Variants in BCHE observed in about 807,000 individuals in gnomAD.
BCHE encodes butyrylcholinesterase.
Under a neutral mutation model 51.3 loss-of-function variants are expected in BCHE, and 48 were observed. The ratio of observed to expected loss-of-function variants is 0.94; its 90% CI spans 0.74 to 1.19. BCHE has a LOEUF of 1.19. BCHE is among the 50% of genes most tolerant of loss of function. The probability of loss-of-function intolerance (pLI) is 0.00; values close to 1 mark genes in which losing one functional copy is unlikely to be tolerated. For missense variants in BCHE, 847 were observed against 708.2 expected, an observed-to-expected ratio of 1.20 and a Z score of -2.23; for synonymous variants, 251 against 238.0, an observed-to-expected ratio of 1.05 and a Z score of -0.50.
chr3:165,790,265 A>G (rs1309864619), intron 2 of BCHE, among the ~76,000 whole-genome samples: 1 of 152,178 alleles, frequency 6.6e-6, no homozygotes, highest in Non-Finnish European at 1.5e-5. Flanking sequence ...GCCTAAATAT[A>G]GTAATAAAAT....
intron 2 of BCHE, among the ~76,000 whole-genome samples, chr3:165,794,035 A>G (rs184416470): frequency 1.7e-3 from 262 of 151,930 alleles, no homozygotes; most frequent in African/African-American, 6.2e-3. Flanking sequence ...CGATGGAGCG[A>G]CACTCCATCT....
chr3:165,830,130 G>A lies in BCHE; in HGVS notation c.904C>T (p.Leu302=), dbSNP rs1714902474. The change falls in exon 2 of 4, where the codon CTG becomes TTG. Residue 302 remains leucine, a synonymous_variant. Coordinates refer to ENST00000264381, the MANE Select transcript of BCHE (RefSeq NM_000055.4). ...LRNKDPQEIL[L]NEAFVVPYGT... Reference sequence around the variant, plus strand: ...TAGGGGACAACAAATGCTTCATTCAGAAGAATTTCTTGGGGATCTTTATTT... The same window carrying A: ...TAGGGGACAACAAATGCTTCATTCAAAAGAATTTCTTGGGGATCTTTATTT... 6.2e-7 allele frequency: 1 copy of A among 1,613,796 alleles called. No homozygotes were observed. Among genetic ancestry groups the A allele is most frequent in the African/African-American group, 1.3e-5 (1 of 74,906 alleles).
intron 2 of BCHE, 45 bp downstream of exon 2, chr3:165,829,472 C>T (rs371343143): frequency 4.6e-6 from 7 of 1,526,862 alleles, no homozygotes; most frequent in Middle Eastern, 1.7e-4. Context: ...CTAAGCAAAA[C>T]GGATCAAACC....
chr3:165,780,082 A>C (rs1156687979), intron 3 of BCHE, among the ~76,000 whole-genome samples: 1 of 152,106 alleles, frequency 6.6e-6, no homozygotes, highest in Non-Finnish European at 1.5e-5. Context: ...CAATGACACA[A>C]AACAGAAATC....
At chr3:165,796,558 T>G (rs192571220) in intron 2 of BCHE, among the ~76,000 whole-genome samples, 70 of 152,342 alleles carry the variant, frequency 4.6e-4, no homozygotes, top group African/African-American at 1.6e-3. Flanking sequence ...TATTTTTTCT[T>G]TTTAATCCAA....
intron 2 of BCHE, among the ~76,000 whole-genome samples, chr3:165,794,053 A>T (rs1274216515): frequency 6.6e-6 from 1 of 151,672 alleles, no homozygotes; most frequent in African/African-American, 2.4e-5. Flanking sequence ...TCTCAAATAA[A>T]AAAAAAAAAA....
intron 3 of BCHE, chr3:165,778,287 A>T (rs1376947806): frequency 6.5e-6 from 1 of 153,362 alleles, no homozygotes; most frequent in African/African-American, 2.4e-5. Flanking sequence ...CGAATGAACC[A>T]GCAAACAAAA....
chr3:165,801,235 G>A (rs1713630336), intron 2 of BCHE, among the ~76,000 whole-genome samples: 1 of 152,190 alleles, frequency 6.6e-6, no homozygotes. Flanking sequence ...TTGCAGCTAA[G>A]TCAGTCACAG....
intron 2 of BCHE, among the ~76,000 whole-genome samples, chr3:165,802,184 T>G: frequency 6.6e-6 from 1 of 152,224 alleles, no homozygotes; most frequent in East Asian, 1.9e-4. Flanking sequence ...TTATTCAAAT[T>G]ATCAGAGCGT....
intron 2 of BCHE, among the ~76,000 whole-genome samples, chr3:165,815,092 T>C (rs1172336901): frequency 1.3e-5 from 2 of 150,598 alleles, no homozygotes; most frequent in African/African-American, 4.9e-5. Flanking sequence ...TATATATTCC[T>C]GGTTTAGCTT....
intron 2 of BCHE, among the ~76,000 whole-genome samples, chr3:165,800,638 T>A (rs370321133): frequency 1.5e-4 from 23 of 152,220 alleles, no homozygotes; most frequent in African/African-American, 5.5e-4. Context: ...AACCTCTTCA[T>A]TGTGAAAAAA....
chr3:165,782,882 T>A (rs565883639), intron 3 of BCHE, among the ~76,000 whole-genome samples: 1 of 152,074 alleles, frequency 6.6e-6, no homozygotes, highest in African/African-American at 2.4e-5. Flanking sequence ...AAAGCATTAA[T>A]CCCTTTTAAA....
chr3:165,813,685 A>G (rs905116516), intron 2 of BCHE, among the ~76,000 whole-genome samples: 1 of 151,932 alleles, frequency 6.6e-6, no homozygotes, highest in Admixed American at 6.6e-5. Context: ...TATTTTCTGC[A>G]GAAATTTCAA....
chr3:165,816,921 C>T (rs1714334027), intron 2 of BCHE, among the ~76,000 whole-genome samples: 2 of 151,864 alleles, frequency 1.3e-5, no homozygotes, highest in Admixed American at 6.6e-5. Context: ...AATTTATAGC[C>T]CCTTTTTCTC....
intron 2 of BCHE, among the ~76,000 whole-genome samples, chr3:165,825,245 T>C (rs1714675241): frequency 6.6e-6 from 1 of 152,100 alleles, no homozygotes; most frequent in African/African-American, 2.4e-5. Flanking sequence ...TAAAGAAGTG[T>C]CTTTTCTAAA....
intron 3 of BCHE, among the ~76,000 whole-genome samples, chr3:165,785,900 G>T (rs577455392): frequency 1.4e-4 from 21 of 151,694 alleles, no homozygotes; most frequent in African/African-American, 4.8e-4. Flanking sequence ...TATTTCCACA[G>T]GGTGAAATCT....
chr3:165,831,331 T>C (rs1320942372), intron 1 of BCHE, among the ~76,000 whole-genome samples: 1 of 152,172 alleles, frequency 6.6e-6, no homozygotes, highest in Non-Finnish European at 1.5e-5. Context: ...ATGTTTGTCC[T>C]AGCCAAATTT....
chr3:165,801,103 C>T (rs940424320), intron 2 of BCHE, among the ~76,000 whole-genome samples: 2 of 152,034 alleles, frequency 1.3e-5, no homozygotes, highest in Non-Finnish European at 2.9e-5. Context: ...CAAACAGAAA[C>T]GTGAGAAAGA....
At chr3:165,773,638 T>C in intron 3 of BCHE, 132 bp from the exon 4 acceptor site, 1 of 683,954 alleles carries the variant, frequency 1.5e-6, no homozygotes, top group Non-Finnish European at 2.3e-6. Flanking sequence ...TATTCTTTAT[T>C]ATTTGTTATT....
Sources: allele counts gnomAD v4.1 joint callset (sites outside exome capture counted in the v4.1 genomes callset), GRCh38; gene constraint gnomAD v4.1.1; transcripts MANE v1.5; gene names NCBI Gene and HGNC (gene_info 2026-07-23, HGNC 2026-07-21).